Variants in LHX6 observed in about 807,000 individuals in gnomAD.
The protein encoded by LHX6 is LIM/homeobox protein Lhx6.
LHX6 carries 15 observed loss-of-function variants against 47.1 expected under a neutral mutation model. That is an observed-to-expected ratio of 0.32 (90% CI 0.21 to 0.49). The LOEUF (loss-of-function observed/expected upper bound fraction) is 0.49. Among genes scored for constraint, LHX6 ranks in the 20% least tolerant of loss-of-function variants. LHX6 has a pLI of 0.99. For synonymous variants in LHX6, 242 were observed against 233.5 expected, an observed-to-expected ratio of 1.04 and a Z score of -0.33; for missense variants, 404 against 539.6, an observed-to-expected ratio of 0.75 and a Z score of 2.49.
intron 4 of LHX6, among the ~76,000 whole-genome samples, chr9:122,220,755 A>T (rs1011934964): frequency 9.2e-5 from 14 of 152,148 alleles, no homozygotes; most frequent in Non-Finnish European, 1.8e-4. Context: ...TGCTAAAAAG[A>T]GTAAGGTGGG....
chr9:122,209,367 G>A lies in LHX6; in HGVS notation c.1158+247C>T, dbSNP rs539734875. ...GAGTAAAGGAAATTCACAAATCTAA[G>A]ACAGAGCAGGGCAAACTGCCAGTGG... is the stretch of plus-strand genomic sequence containing the variant. On this transcript the variant is annotated intron_variant, in intron 9 of 9. Coordinates refer to ENST00000394319, the MANE Select transcript of LHX6 (RefSeq NM_014368.5). Among the ~76,000 whole-genome samples, 36 of 152,348 alleles carry A rather than the reference G, an allele frequency of 2.4e-4. 1 individual carries two copies. In the South Asian group the frequency reaches 2.9e-3, roughly 12 times the overall value.
At chr9:122,205,499 G>A (rs1830144158) in intron 9 of LHX6, among the ~76,000 whole-genome samples, 1 of 152,194 alleles carries the variant, frequency 6.6e-6, no homozygotes, top group South Asian at 2.1e-4. Context: ...GACACAGCCA[G>A]TTCCCTGAAG....
At position 122,209,670 on chromosome 9, in the gene LHX6, G is replaced by T. The variant is rs773582289; in HGVS notation, c.1102C>A (p.Pro368Thr). The change falls in exon 9 of 10, where the codon CCC becomes ACC. Residue 368 changes from proline (P) to threonine (T), a missense_variant. Physicochemically the swap from Pro to Thr is conservative, Grantham distance 38 (BLOSUM62 -1). Around this residue, in one of 7 missense-constraint regions of LHX6, gnomAD observed 127 missense variants for 116.1 expected, o/e 1.09. Coordinates refer to ENST00000394319, the MANE Select transcript of LHX6 (RefSeq NM_014368.5). ...QVHCRLPYTA[P>T]PVHLKADMDG... The stretch of plus-strand genomic sequence containing the variant: ...ATATCGGCTTTGAGGTGGACGGGGG[G>T]TGCGGTGTAAGGCAGCCGGCAGTGC... 8 of 1,328,554 alleles carry T rather than the reference G, an allele frequency of 6.0e-6. No individual in the cohort carries two copies. The African/African-American group carries it at 8.6e-5, about 14-fold the overall frequency. 82.3% of individuals were successfully genotyped at this position (1,328,554 alleles called of 1,614,324 possible).
In LHX6 at chr9:122,228,923, C is replaced by T; in HGVS notation, c.-183G>A. On this transcript the variant is annotated 5_prime_UTR_variant, in exon 1 of 10. Transcript: ENST00000394319. ...CCGCGCGCAGCCCCGGCCTCCCTGG[C>T]TGCTGCCGCCGCTGCCTCGGAAGAA... 4.7e-6 allele frequency: 1 copy of T among 214,494 alleles called. No homozygotes were observed. Among genetic ancestry groups the T allele is most frequent in the Non-Finnish European group, 8.8e-6 (1 of 113,740 alleles). The allele number at this position is 214,494 out of a possible 1,614,324, so 13.3% of individuals were successfully genotyped here. A position where few individuals can be genotyped will look rare whatever the true frequency, so the allele number is the denominator to read the frequency against.
At chr9:122,225,622 T>G (rs1001769857) in intron 4 of LHX6, among the ~76,000 whole-genome samples, 2 of 152,224 alleles carry the variant, frequency 1.3e-5, no homozygotes, top group Admixed American at 1.3e-4. Flanking sequence ...CCTGGCGGCC[T>G]AAAGGCAAGG....
intron 8 of LHX6, among the ~76,000 whole-genome samples, chr9:122,212,980 A>G (rs1299711876): frequency 6.6e-6 from 1 of 152,148 alleles, no homozygotes; most frequent in Non-Finnish European, 1.5e-5. Flanking sequence ...CAAGGAGGTT[A>G]GGTGACTTGC....
intron 4 of LHX6, among the ~76,000 whole-genome samples, chr9:122,219,805 C>A (rs1830762678): frequency 6.6e-6 from 1 of 152,242 alleles, no homozygotes. Flanking sequence ...TACCTAGAAC[C>A]TGCGGAGCAA....
rs1250281817 is a variant in LHX6, at chr9:122,226,194, G to A, written c.461+182C>T. ...GGCGCAAACCTGTGCAGGCACTGGCGCGCTGCCTGGAGCTCTGGGTTCGCG... is the reference window on the plus strand; with the variant it reads ...GGCGCAAACCTGTGCAGGCACTGGCACGCTGCCTGGAGCTCTGGGTTCGCG... On this transcript the variant is annotated intron_variant, in intron 4 of 9. Transcript: ENST00000394319. This position sits in a 1 kb window ranked among gnomAD's most constrained non-coding sequence, Gnocchi z 6.5. 6.6e-6 allele frequency among the ~76,000 whole-genome samples: 1 copy of A among 152,216 alleles called. No homozygotes were observed. Among genetic ancestry groups the A allele is most frequent in the African/African-American group, 2.4e-5 (1 of 41,464 alleles).
intron 1 of LHX6, chr9:122,228,416 CTG>C (rs1456152354): frequency 1.1e-5 from 16 of 1,484,582 alleles, no homozygotes; most frequent in South Asian, 2.6e-5. Flanking sequence ...CTTGATTCGC[CTG>C]TGTCTTTACT....
At chr9:122,206,523 T>C (rs1830187286) in intron 9 of LHX6, among the ~76,000 whole-genome samples, 1 of 152,170 alleles carries the variant, frequency 6.6e-6, no homozygotes, top group African/African-American at 2.4e-5. Flanking sequence ...TAATGCAGAC[T>C]TTCTGGGTGC....
At chr9:122,215,777 T>A (rs1185538142) in intron 5 of LHX6, among the ~76,000 whole-genome samples, 1 of 152,190 alleles carries the variant, frequency 6.6e-6, no homozygotes, top group South Asian at 2.1e-4. Context: ...ATGGCCCTGG[T>A]ATGCCCATGG....
Position 122,214,248 on chromosome 9 carries a change from C to G in LHX6, c.783+35G>C. The G allele has an allele frequency of 6.5e-7, 1 of 1,529,086 alleles. No individual in the cohort carries two copies. The highest frequency in any genetic ancestry group is 1.2e-5 in the South Asian group (1 of 83,210). 94.7% of individuals were successfully genotyped at this position (1,529,086 alleles called of 1,614,324 possible). On this transcript the variant is annotated intron_variant, in intron 6 of 9. Transcript: ENST00000394319. The surrounding 1 kb of genome is among the most constrained non-coding windows in gnomAD (Gnocchi z 4.6). Reference sequence around the variant, plus strand: ...TCGGCCCCGCCCACTTTCGGCCCGGCCCCCGCCCCCGCCGCCCACTGCTTG... The same window carrying G: ...TCGGCCCCGCCCACTTTCGGCCCGGGCCCCGCCCCCGCCGCCCACTGCTTG...
chr9:122,220,131 C>T (rs1189400113), intron 4 of LHX6, among the ~76,000 whole-genome samples: 1 of 152,224 alleles, frequency 6.6e-6, no homozygotes, highest in Non-Finnish European at 1.5e-5. Context: ...TCCCGCGAGT[C>T]CCCGACGCCC....
intron 4 of LHX6, among the ~76,000 whole-genome samples, chr9:122,220,209 G>T (rs1250203756): frequency 3.3e-5 from 5 of 152,198 alleles, no homozygotes; most frequent in Admixed American, 1.3e-4. Flanking sequence ...CGAGGTAGGC[G>T]CCGCTAGTGA....
chr9:122,228,809 A>C lies in LHX6; in HGVS notation c.-69T>G, dbSNP rs1831221642. 1.9e-6 allele frequency: 2 copies of C among 1,061,816 alleles called. No homozygotes were observed. The highest frequency in any genetic ancestry group is 2.4e-6 in the Non-Finnish European group (2 of 838,140). 65.8% of individuals were successfully genotyped at this position (1,061,816 alleles called of 1,614,324 possible). On this transcript the variant is annotated 5_prime_UTR_variant, in exon 1 of 10. Transcript: ENST00000394319. ...CTGCGCCGAGGGGGACCACAGCCGCAGTGGGAGCAGAGGCTGCTGCAGGAG... is the reference window on the plus strand; with the variant it reads ...CTGCGCCGAGGGGGACCACAGCCGCCGTGGGAGCAGAGGCTGCTGCAGGAG...
At position 122,226,143 on chromosome 9, in the gene LHX6, A is replaced by C. The variant is rs1463975339; in HGVS notation, c.461+233T>G. Among the ~76,000 whole-genome samples the C allele has an allele frequency of 6.6e-6, 1 of 152,148 alleles. No homozygotes were observed. The highest frequency in any genetic ancestry group is 1.5e-5 in the Non-Finnish European group (1 of 68,032). ...CAGAGACGATACCGAAACCCAATGGACCGCGAGGACCGAAGGCAGATCCGG... is the reference window on the plus strand; with the variant it reads ...CAGAGACGATACCGAAACCCAATGGCCCGCGAGGACCGAAGGCAGATCCGG... On this transcript the variant is annotated intron_variant, in intron 4 of 9. Transcript: ENST00000394319. The surrounding 1 kb of genome is among the most constrained non-coding windows in gnomAD (Gnocchi z 6.5).
chr9:122,221,868 G>A (rs1830877237), intron 4 of LHX6: 5 of 257,512 alleles, frequency 1.9e-5, no homozygotes, highest in Non-Finnish European at 2.4e-5. Context: ...GTGTTTAGGG[G>A]CAGGGATGGC....
In LHX6 at chr9:122,214,432, G is replaced by A. The variant is rs771666712; in HGVS notation, c.683-49C>T. 8.0e-6 allele frequency: 12 copies of A among 1,491,050 alleles called. No individual in the cohort carries two copies. The South Asian group carries it at 1.6e-4, about 20-fold the overall frequency. The allele number at this position is 1,491,050 out of a possible 1,614,324, so 92.4% of individuals were successfully genotyped here. A position where few individuals can be genotyped will look rare whatever the true frequency, so the allele number is the denominator to read the frequency against. On this transcript the variant is annotated intron_variant, in intron 5 of 9. Coordinates refer to ENST00000394319, the MANE Select transcript of LHX6 (RefSeq NM_014368.5). This position sits in a 1 kb window ranked among gnomAD's most constrained non-coding sequence, Gnocchi z 4.6. ...CCACGCGTCCCCATCTCTTCTAGTG[G>A]CAGCCTGGAAAGGACGGGGGTGGGG...
intron 9 of LHX6, among the ~76,000 whole-genome samples, chr9:122,205,196 G>A (rs897856486): frequency 6.6e-6 from 1 of 152,170 alleles, no homozygotes; most frequent in Non-Finnish European, 1.5e-5. Context: ...GGCACACAGC[G>A]AGGAGGAGGA....
Sources: allele counts gnomAD v4.1 joint callset (sites outside exome capture counted in the v4.1 genomes callset), GRCh38; gene constraint gnomAD v4.1.1; regional missense constraint gnomAD v4.1.1; non-coding constraint Gnocchi (gnomAD v3.1); transcripts MANE v1.5; gene names NCBI Gene and HGNC (gene_info 2026-07-23, HGNC 2026-07-21).